SH3KBP1: variants seen among roughly 807,000 people sequenced by gnomAD.
SH3KBP1 encodes the protein SH3 domain-containing kinase-binding protein 1.
Under a neutral mutation model 50.1 loss-of-function variants are expected in SH3KBP1, and 8 were observed. The ratio of observed to expected loss-of-function variants is 0.16; its 90% CI spans 0.09 to 0.29. The LOEUF is 0.29. Among genes scored for constraint, SH3KBP1 ranks in the 10% least tolerant of loss-of-function variants. SH3KBP1 has a pLI of 1.00. For missense variants in SH3KBP1, 377 were observed against 535.2 expected, an observed-to-expected ratio of 0.70 and a Z score of 2.92; for synonymous variants, 227 against 218.6, an observed-to-expected ratio of 1.04 and a Z score of -0.34.
At chrX:19,804,068 A>G (rs913548384) in intron 2 of SH3KBP1, among the ~76,000 whole-genome samples, 2 of 111,932 alleles carry the variant, frequency 1.8e-5, no homozygotes, top group Non-Finnish European at 3.8e-5. Flanking sequence ...GTTACTCGGG[A>G]GGCTGAGGCA....
intron 2 of SH3KBP1, among the ~76,000 whole-genome samples, chrX:19,803,136 C>T (rs193116304): frequency 8.9e-6 from 1 of 112,140 alleles, no homozygotes; most frequent in Admixed American, 9.4e-5. Flanking sequence ...TCCAACCCTC[C>T]CTGACACAGA....
chrX:19,779,745 AAGG>A (rs2066107640), intron 2 of SH3KBP1, among the ~76,000 whole-genome samples: 1 of 106,383 alleles, frequency 9.4e-6, no homozygotes, highest in Non-Finnish European at 1.9e-5. Flanking sequence ...TGTCCCTACA[AAGG>A]ACATGAACTC....
rs1422661690 is a variant in SH3KBP1 at position 19,590,218 on chromosome X, G to A, written c.1139-1416C>T. On this transcript the variant is annotated intron_variant, in intron 11 of 17. Transcript: ENST00000397821. Reference sequence around the variant, plus strand: ...CTGGCAACTCATTTTATGGCACACAGGGGCCAGAGGAGGAAGGGCTCTGTT... The same window carrying A: ...CTGGCAACTCATTTTATGGCACACAAGGGCCAGAGGAGGAAGGGCTCTGTT... Among the ~76,000 whole-genome samples, 4 of 112,162 alleles carry A rather than the reference G, an allele frequency of 3.6e-5. No homozygotes were observed. In the Admixed American group the frequency reaches 3.8e-4, roughly 11 times the overall value.
At chrX:19,860,612 T>C (rs189048800) in intron 1 of SH3KBP1, among the ~76,000 whole-genome samples, 2 of 112,133 alleles carry the variant, frequency 1.8e-5, no homozygotes, top group African/African-American at 6.5e-5. Flanking sequence ...AAATCGTACA[T>C]TTTATGTTAT....
At chrX:19,852,634 C>CAAAAAAA (rs1409256984) in intron 1 of SH3KBP1, among the ~76,000 whole-genome samples, 1 of 58,147 alleles carries the variant, frequency 1.7e-5, no homozygotes, top group African/African-American at 9.2e-5. Context: ...TGTAGCTGCA[C>CAAAAAAA]AGAAAAAAAA....
intron 2 of SH3KBP1, among the ~76,000 whole-genome samples, chrX:19,821,884 T>G (rs2067541837): frequency 8.9e-6 from 1 of 112,582 alleles, no homozygotes; most frequent in South Asian, 3.6e-4. Context: ...ATAAATTCTC[T>G]TAGTGTTCCT....
chrX:19,786,102 C>T (rs1276867748), intron 2 of SH3KBP1, among the ~76,000 whole-genome samples: 1 of 112,139 alleles, frequency 8.9e-6, no homozygotes, highest in African/African-American at 3.2e-5. Flanking sequence ...TAATTTTTTA[C>T]ATTTTTTTAA....
In SH3KBP1 at chrX:19,612,651, A is replaced by G. The variant is rs749516745; in HGVS notation, c.898-4606T>C. Among the ~76,000 whole-genome samples the G allele has an allele frequency of 2.7e-5, 3 of 112,212 alleles. No individual in the cohort carries two copies. The East Asian group carries it at 8.3e-4, about 31-fold the overall frequency. On this transcript the variant is annotated intron_variant, in intron 8 of 17. Coordinates refer to ENST00000397821, the MANE Select transcript of SH3KBP1 (RefSeq NM_031892.3). ...CTGGGAATTTTAAAAAAAAATGCCAATGGCTGGGCTAGACTTCTAAAATGT... is the reference window on the plus strand; with the variant it reads ...CTGGGAATTTTAAAAAAAAATGCCAGTGGCTGGGCTAGACTTCTAAAATGT...
chrX:19,669,319 A>T (rs1406824646), intron 6 of SH3KBP1, among the ~76,000 whole-genome samples: 1 of 101,053 alleles, frequency 9.9e-6, no homozygotes, highest in Non-Finnish European at 1.9e-5. Context: ...TAATAATAAT[A>T]ATAATAATTA....
At chrX:19,668,957 TATATATATATATATA>T (rs1569404819) in intron 6 of SH3KBP1, among the ~76,000 whole-genome samples, 9 of 78,579 alleles carry the variant, frequency 1.1e-4, no homozygotes, top group Non-Finnish European at 2.2e-4. Context: ...TATATATATA[TATATATATATATATA>T]TATTTTTTGA....
chrX:19,882,680 G>A (rs1321912543), intron 1 of SH3KBP1, among the ~76,000 whole-genome samples: 1 of 111,820 alleles, frequency 8.9e-6, no homozygotes, highest in Non-Finnish European at 1.9e-5. Flanking sequence ...AATCAGAAAC[G>A]AATACAGGTA....
chrX:19,862,303 T>C (rs1261197217), intron 1 of SH3KBP1, among the ~76,000 whole-genome samples: 1 of 112,300 alleles, frequency 8.9e-6, no homozygotes, highest in Non-Finnish European at 1.9e-5. Context: ...GTCAGTCCTC[T>C]TCTATTAGGG....
chrX:19,696,105 T>C (rs1053551405), intron 4 of SH3KBP1, among the ~76,000 whole-genome samples: 2 of 111,979 alleles, frequency 1.8e-5, no homozygotes, highest in East Asian at 2.8e-4. Flanking sequence ...TATCACATCA[T>C]AGATGCTATG....
At chrX:19,788,275 AAAAAAAAAAAC>A (rs2066414382) in intron 2 of SH3KBP1, among the ~76,000 whole-genome samples, 1 of 101,987 alleles carries the variant, frequency 9.8e-6, no homozygotes, top group African/African-American at 3.8e-5. Context: ...TCTCCAAAAA[AAAAAAAAAAAC>A]AAAAAAAAAA....
chrX:19,614,048 C>T (rs1007995351), intron 8 of SH3KBP1, among the ~76,000 whole-genome samples: 6 of 112,881 alleles, frequency 5.3e-5, no homozygotes, highest in Non-Finnish European at 9.4e-5. Flanking sequence ...ATTTGTCATG[C>T]GACCCAGCGC....
chrX:19,872,812 T>TTC (rs766238422), intron 1 of SH3KBP1, among the ~76,000 whole-genome samples: 2,003 of 97,955 alleles, frequency 0.02, 36 homozygotes, highest in Middle Eastern at 0.071. Context: ...TCCATCTCTC[T>TTC]TCTCTCTCTC....
At chrX:19,756,822 G>A (rs1178108228) in intron 2 of SH3KBP1, among the ~76,000 whole-genome samples, 1 of 106,818 alleles carries the variant, frequency 9.4e-6, no homozygotes, top group Admixed American at 1.0e-4. Flanking sequence ...CAAGACTGAA[G>A]TCAGTCTGTA....
intron 3 of SH3KBP1, among the ~76,000 whole-genome samples, chrX:19,736,229 C>G (rs1303311261): frequency 1.8e-5 from 2 of 112,557 alleles, no homozygotes; most frequent in African/African-American, 6.5e-5. Context: ...TACCCCACTT[C>G]ACTCTATTGC....
chrX:19,828,962 G>C (rs1489261993), intron 2 of SH3KBP1, among the ~76,000 whole-genome samples: 1 of 110,625 alleles, frequency 9.0e-6, no homozygotes, highest in African/African-American at 3.3e-5. Context: ...GCGCAAATGA[G>C]GCTTCAGGCA....
Sources: gnomAD v4.1 joint callset for allele counts (sites outside exome capture counted in the v4.1 genomes callset) on GRCh38, gnomAD v4.1.1 for gene constraint, MANE v1.5 for transcripts, NCBI Gene and HGNC (gene_info 2026-07-23, HGNC 2026-07-21) for gene names.